LETM1: variants seen among roughly 807,000 people sequenced by gnomAD.
LETM1 encodes leucine zipper and EF-hand containing transmembrane protein 1.
LETM1 carries 50 observed loss-of-function variants against 74.5 expected under a neutral mutation model. The ratio of observed to expected loss-of-function variants is 0.67; its 90% CI spans 0.53 to 0.85. The LOEUF is 0.85. LETM1 is among the 40% of genes least tolerant of loss of function. The probability of loss-of-function intolerance (pLI) is 0.00; values close to 1 mark genes in which losing one functional copy is unlikely to be tolerated. For missense variants in LETM1, 824 were observed against 967.8 expected (o/e 0.85, Z 1.97); for synonymous variants, 446 against 407.1 (o/e 1.10, Z -1.15).
At chr4:1,838,563 G>A (rs1320219620) in intron 3 of LETM1, among the ~76,000 whole-genome samples, 1 of 152,202 alleles carries the variant, frequency 6.6e-6, no homozygotes, top group Admixed American at 6.5e-5. Flanking sequence ...TGTGGTCCCA[G>A]CTACACTGGA....
intron 8 of LETM1, among the ~76,000 whole-genome samples, chr4:1,823,336 A>G (rs1309033981): frequency 6.7e-6 from 1 of 148,434 alleles, no homozygotes; most frequent in African/African-American, 2.5e-5. Flanking sequence ...GACTCCTGAC[A>G]TGTGGGAAGG....
Position 1,836,105 on chromosome 4 carries a change from T to G in LETM1, c.738+324A>C, listed in dbSNP as rs1321866056. On this transcript the variant is annotated intron_variant, in intron 4 of 13. Transcript: ENST00000302787. The surrounding 1 kb of genome is among the most constrained non-coding windows in gnomAD (Gnocchi z 5.8). ...CACACATGCCTATAATCCCAGCTAC[T>G]TGGGAGGCTGAGGCAGGAGATTCGC... is the stretch of plus-strand genomic sequence containing the variant. 6.7e-6 allele frequency among the ~76,000 whole-genome samples: 1 copy of G among 149,758 alleles called. No individual in the cohort carries two copies. The highest frequency in any genetic ancestry group is 1.5e-5 in the Non-Finnish European group (1 of 67,474).
At chr4:1,848,795 C>T (rs1577327822) in intron 2 of LETM1, among the ~76,000 whole-genome samples, 1 of 148,024 alleles carries the variant, frequency 6.8e-6, no homozygotes, top group South Asian at 2.1e-4. Context: ...ACTTGCTGTA[C>T]ATCAAAATAC....
At chr4:1,830,580 C>A (rs1031894187) in intron 6 of LETM1, among the ~76,000 whole-genome samples, 1 of 152,242 alleles carries the variant, frequency 6.6e-6, no homozygotes. Context: ...GCAGTCCTCC[C>A]ACCTTGGCCT....
intron 1 of LETM1, among the ~76,000 whole-genome samples, chr4:1,853,231 T>A (rs1418139726): frequency 6.6e-6 from 1 of 151,868 alleles, no homozygotes; most frequent in African/African-American, 2.4e-5. Context: ...CCCAGGCGGC[T>A]CAGGCCAGAG....
intron 12 of LETM1, 96 bp downstream of exon 12, chr4:1,816,631 C>A (rs556985792): frequency 7.2e-6 from 9 of 1,257,938 alleles, no homozygotes; most frequent in Non-Finnish European, 1.0e-5. Context: ...ACAATGTGCC[C>A]TTTGGAGCCA....
At chr4:1,828,716 G>C (rs1216399886) in intron 6 of LETM1, among the ~76,000 whole-genome samples, 1 of 135,628 alleles carries the variant, frequency 7.4e-6, no homozygotes, top group Non-Finnish European at 1.6e-5. Context: ...GGATGGGGCG[G>C]CTGGCCGGGC....
chr4:1,822,789 C>T, intron 9 of LETM1, 199 bp downstream of exon 9: 2 of 437,016 alleles, frequency 4.6e-6, no homozygotes, highest in Non-Finnish European at 7.6e-6. Flanking sequence ...CCACTGTGGC[C>T]ATCGGGGAGT....
intron 1 of LETM1, among the ~76,000 whole-genome samples, 189 bp from the exon 2 acceptor site, chr4:1,849,398 G>A (rs949584169): frequency 2.0e-5 from 3 of 152,094 alleles, no homozygotes; most frequent in Non-Finnish European, 1.5e-5. Context: ...CTGAGTAGCT[G>A]GAATTACAGG....
chr4:1,817,245 CAAAAAAAAA>C (rs60805612), intron 11 of LETM1, among the ~76,000 whole-genome samples: 3 of 66,082 alleles, frequency 4.5e-5, no homozygotes, highest in Middle Eastern at 0.014. Context: ...ACTCTGTCTC[CAAAAAAAAA>C]AAAAAAAAAA....
chr4:1,850,262 G>A (rs1713022987), intron 1 of LETM1, among the ~76,000 whole-genome samples: 1 of 152,192 alleles, frequency 6.6e-6, no homozygotes, highest in African/African-American at 2.4e-5. Context: ...ACTGCTAAGT[G>A]AAGGGTCTGC....
At chr4:1,819,933 G>T (rs919137762) in intron 10 of LETM1, among the ~76,000 whole-genome samples, 1 of 151,014 alleles carries the variant, frequency 6.6e-6, no homozygotes, top group Non-Finnish European at 1.5e-5. Flanking sequence ...CCCTGTGGTC[G>T]TGTGTTTCTT....
Position 1,834,533 on chromosome 4 carries a change from C to G in LETM1, c.876+312G>C. On this transcript the variant is annotated intron_variant, in intron 5 of 13. Transcript: ENST00000302787. This position sits in a 1 kb window ranked among gnomAD's most constrained non-coding sequence, Gnocchi z 5.0. ...AGGAGCCCGGCCAAGCCACCCACACCTCACACCATCAGGGTCTCAGGCTCC... is the reference window on the plus strand; with the variant it reads ...AGGAGCCCGGCCAAGCCACCCACACGTCACACCATCAGGGTCTCAGGCTCC... The G allele has an allele frequency of 2.6e-6, 3 of 1,137,970 alleles. No individual in the cohort carries two copies. Among genetic ancestry groups the G allele is most frequent in the Non-Finnish European group, 3.2e-6 (3 of 924,154 alleles). 70.5% of individuals were successfully genotyped at this position (1,137,970 alleles called of 1,614,324 possible).
intron 7 of LETM1, among the ~76,000 whole-genome samples, chr4:1,825,022 C>T (rs1166741750): frequency 1.3e-5 from 2 of 152,244 alleles, no homozygotes; most frequent in Admixed American, 6.5e-5. Flanking sequence ...GGGAGGAAAC[C>T]GGCTGGAGCC....
At chr4:1,839,116 A>G (rs10050081) in intron 3 of LETM1, among the ~76,000 whole-genome samples, 14,866 of 152,196 alleles carry the variant, frequency 0.098, 2,272 homozygotes, top group African/African-American at 0.33. Context: ...GCAGCCCTGA[A>G]ACAAAGACAG....
At chr4:1,855,787 A>C (rs1713220564) in intron 1 of LETM1, 82 bp downstream of exon 1, 2 of 875,240 alleles carry the variant, frequency 2.3e-6, no homozygotes, top group Non-Finnish European at 1.5e-6. Flanking sequence ...TCGCCGTGAC[A>C]ACCAGCCCGA....
In LETM1 at chr4:1,834,824, G is replaced by A. The variant is rs1419568803; in HGVS notation, c.876+21C>T. 1 of 1,613,598 alleles carries A rather than the reference G, an allele frequency of 6.2e-7. No homozygotes were observed. Among genetic ancestry groups the A allele is most frequent in the African/African-American group, 1.3e-5 (1 of 74,922 alleles). On this transcript the variant is annotated intron_variant, in intron 5 of 13. Coordinates refer to ENST00000302787, the MANE Select transcript of LETM1 (RefSeq NM_012318.3). This position sits in a 1 kb window ranked among gnomAD's most constrained non-coding sequence, Gnocchi z 5.0. ...GAAGGCTCCCTGGTGAGGTCACAGG[G>A]ACTCAGACGTATCACAGCACCTTCT...
rs182671701 is a variant in LETM1, at chr4:1,843,465, G to C, written c.144-1668C>G. Among the ~76,000 whole-genome samples the C allele has an allele frequency of 1.1e-4, 17 of 152,348 alleles. No homozygotes were observed. The East Asian group carries it at 3.3e-3, about 29-fold the overall frequency. Reference sequence around the variant, plus strand: ...GCAGCTTAGAGCGAGCACACACCAGGATCAGAAGCCAGAGCAGCAGGGGCT... The same window carrying C: ...GCAGCTTAGAGCGAGCACACACCAGCATCAGAAGCCAGAGCAGCAGGGGCT... On this transcript the variant is annotated intron_variant, in intron 2 of 13. Transcript: ENST00000302787.
chr4:1,846,956 C>G (rs953074911), intron 2 of LETM1, among the ~76,000 whole-genome samples: 21 of 152,174 alleles, frequency 1.4e-4, no homozygotes, highest in Non-Finnish European at 2.6e-4. Flanking sequence ...CAGCAATGAT[C>G]ACTTAGAAAA....
Sources: allele counts gnomAD v4.1 joint callset (sites outside exome capture counted in the v4.1 genomes callset), GRCh38; gene constraint gnomAD v4.1.1; non-coding constraint Gnocchi (gnomAD v3.1); transcripts MANE v1.5; gene names NCBI Gene and HGNC (gene_info 2026-07-23, HGNC 2026-07-21).